Variants in MPDZ observed in about 807,000 individuals in gnomAD.
MPDZ encodes the protein multiple PDZ domain crumbs cell polarity complex component.
Under a neutral mutation model 239.1 loss-of-function variants are expected in MPDZ, and 234 were observed. The observed-to-expected ratio is 0.98, with a 90% CI of 0.88 to 1.09. The LOEUF (loss-of-function observed/expected upper bound fraction) is 1.09. Ranked by LOEUF, MPDZ falls within the 50% of genes least tolerant of loss-of-function variation. MPDZ has a pLI of 0.00. For missense variants in MPDZ, 3,175 were observed against 2,510.0 expected (o/e 1.26, Z -5.66); for synonymous variants, 1,048 against 881.3 (o/e 1.19, Z -3.35).
chr9:13,111,995 G>A (rs760682372), intron 43 of MPDZ, 29 bp downstream of exon 43: 4 of 1,608,152 alleles, frequency 2.5e-6, no homozygotes, highest in Admixed American at 1.7e-5. Context: ...CATTTTGCTA[G>A]GGCTTCTAGG....
At chr9:13,113,128 G>A in intron 41 of MPDZ, 74 bp from the exon 42 acceptor site, 1 of 1,346,494 alleles carries the variant, frequency 7.4e-7, no homozygotes, top group South Asian at 1.3e-5. Flanking sequence ...AATATCTAAA[G>A]CTGGATGGGA....
chr9:13,176,545 A>C, intron 19 of MPDZ, 128 bp from the exon 20 acceptor site: 5 of 843,198 alleles, frequency 5.9e-6, no homozygotes, highest in Non-Finnish European at 8.6e-6. Flanking sequence ...TTATTACTCA[A>C]AAAGCATTAA....
In MPDZ at chr9:13,244,012, C is replaced by T. The variant is rs368484591; in HGVS notation, c.183+3623G>A. ...ATTTCTCCAATCTTGGAATTGGTCT[C>T]TGTTGCCATAGCTTTAAAAATAATC... On this transcript the variant is annotated intron_variant, in intron 3 of 46. Transcript: ENST00000319217. 2.0e-5 allele frequency among the ~76,000 whole-genome samples: 3 copies of T among 152,204 alleles called. No individual in the cohort carries two copies. In the South Asian group the frequency reaches 6.2e-4, roughly 32 times the overall value.
intron 11 of MPDZ, 59 bp downstream of exon 11, chr9:13,205,857 T>TA (rs1340341343): frequency 6.5e-5 from 92 of 1,420,558 alleles, no homozygotes; most frequent in Admixed American, 7.7e-5. Context: ...CTTTGGAATT[T>TA]AAAAAAAATT....
intron 8 of MPDZ, among the ~76,000 whole-genome samples, chr9:13,218,326 C>CT (rs981877563): frequency 6.6e-6 from 1 of 151,752 alleles, no homozygotes; most frequent in African/African-American, 2.4e-5. Flanking sequence ...TATGCGAGTG[C>CT]TATTTTAGAG....
At chr9:13,183,290 A>C (rs1049847692) in intron 19 of MPDZ, 128 bp downstream of exon 19, 1 of 696,196 alleles carries the variant, frequency 1.4e-6, no homozygotes, top group African/African-American at 1.9e-5. Flanking sequence ...TAATCCAATA[A>C]TGAATCCACA....
chr9:13,277,628 G>A (rs1342451796), intron 1 of MPDZ, among the ~76,000 whole-genome samples: 6 of 152,066 alleles, frequency 3.9e-5, no homozygotes, highest in Non-Finnish European at 7.4e-5. Context: ...GCAGTGGCGC[G>A]ATCTCGGCTC....
chr9:13,201,842 C>T (rs1184988950), intron 12 of MPDZ, among the ~76,000 whole-genome samples: 3 of 151,926 alleles, frequency 2.0e-5, no homozygotes, highest in Non-Finnish European at 4.4e-5. Flanking sequence ...TCATTGTGAT[C>T]CTGGATTATT....
intron 22 of MPDZ, chr9:13,165,360 TACTC>T (rs1488233925): frequency 2.6e-6 from 4 of 1,549,466 alleles, no homozygotes; most frequent in East Asian, 2.4e-5. Context: ...GAATCACTGA[TACTC>T]ACACATAAAA....
chr9:13,240,326 C>T (rs972042513), intron 3 of MPDZ, among the ~76,000 whole-genome samples: 8 of 151,814 alleles, frequency 5.3e-5, no homozygotes, highest in Non-Finnish European at 8.8e-5. Flanking sequence ...AGATCATTCA[C>T]TTTAACTTTA....
intron 7 of MPDZ, among the ~76,000 whole-genome samples, chr9:13,220,369 A>C (rs148065864): frequency 7.2e-5 from 11 of 152,142 alleles, no homozygotes; most frequent in Admixed American, 3.3e-4. Context: ...GCACTACTCA[A>C]TACAATAGCT....
intron 1 of MPDZ, among the ~76,000 whole-genome samples, chr9:13,268,177 T>G (rs1330134): frequency 0.16 from 22,572 of 142,534 alleles, 1,875 homozygotes; most frequent in Non-Finnish European, 0.18. Flanking sequence ...TATACACACA[T>G]AGAGAGAGAG....
intron 45 of MPDZ, among the ~76,000 whole-genome samples, chr9:13,109,594 A>C (rs1942071977): frequency 6.6e-6 from 1 of 152,168 alleles, no homozygotes; most frequent in Non-Finnish European, 1.5e-5. Context: ...AATATATTAG[A>C]TGAATAGGCA....
chr9:13,268,594 A>G (rs1972305662), intron 1 of MPDZ, among the ~76,000 whole-genome samples: 2 of 152,184 alleles, frequency 1.3e-5, no homozygotes, highest in Non-Finnish European at 2.9e-5. Flanking sequence ...GGAATTCAAT[A>G]CTGCCAACGT....
chr9:13,126,692 C>A lies in MPDZ; in HGVS notation c.4545G>T (p.Gly1515=). The A allele has an allele frequency of 1.2e-6, 2 of 1,613,758 alleles. No homozygotes were observed. The highest frequency in any genetic ancestry group is 1.1e-5 in the South Asian group (1 of 91,064). ...AGGTAAACCTCACCGTGGCTGCTAC[C>A]CCATGCTCTGTTAAGCTCTTTATGA... The part of the protein sequence containing the change: ...GVIIKSLTEH[G]VAATDGRLKV... The change falls in exon 33 of 47, where the codon GGG becomes GGT. Residue 1515 remains glycine, a synonymous_variant. Transcript: ENST00000319217.
intron 39 of MPDZ, among the ~76,000 whole-genome samples, chr9:13,118,371 T>G (rs888669457): frequency 1.3e-5 from 2 of 152,188 alleles, no homozygotes; most frequent in African/African-American, 4.8e-5. Flanking sequence ...ATAACCAAAT[T>G]TATAAACACA....
intron 39 of MPDZ, among the ~76,000 whole-genome samples, chr9:13,116,426 T>C (rs1031967149): frequency 2.6e-5 from 4 of 152,162 alleles, no homozygotes; most frequent in African/African-American, 9.7e-5. Flanking sequence ...TTAATATAAA[T>C]ATTGGGCACT....
At chr9:13,166,952 T>C (rs576499661) in intron 22 of MPDZ, among the ~76,000 whole-genome samples, 3 of 152,270 alleles carry the variant, frequency 2.0e-5, no homozygotes, top group African/African-American at 7.2e-5. Context: ...TAGAACTGAG[T>C]GGTAGGGCTA....
rs555484025 is a variant in MPDZ, at chr9:13,119,060, T to C, written c.5379+442A>G. On this transcript the variant is annotated intron_variant, in intron 39 of 46. Transcript: ENST00000319217. ...AATAGTATTTTGATCAAACTTTCCCTTCTATGGAACATAAATGATAAAATC... is the reference window on the plus strand; with the variant it reads ...AATAGTATTTTGATCAAACTTTCCCCTCTATGGAACATAAATGATAAAATC... 3.0e-4 allele frequency among the ~76,000 whole-genome samples: 45 copies of C among 152,348 alleles called. 1 individual carries two copies. In the South Asian group the frequency reaches 7.9e-3, roughly 27 times the overall value.
Sources: gnomAD v4.1 joint callset for allele counts (sites outside exome capture counted in the v4.1 genomes callset) on GRCh38, gnomAD v4.1.1 for gene constraint, MANE v1.5 for transcripts, NCBI Gene and HGNC (gene_info 2026-07-23, HGNC 2026-07-21) for gene names.